The following IQGAP2 variants were observed in gnomAD, a reference collection of about 807,000 sequenced individuals.
IQGAP2 encodes the protein IQ motif containing GTPase activating protein 2.
In IQGAP2, 173 loss-of-function variants were observed where a neutral mutation model predicts 201.3. The observed-to-expected ratio is 0.86, with a 90% CI of 0.76 to 0.98. IQGAP2 has a LOEUF of 0.98. IQGAP2 is among the 50% of genes least tolerant of loss of function. The pLI is 0.00. For synonymous variants in IQGAP2, 675 were observed against 673.9 expected (o/e 1.00, Z -0.03); for missense variants, 1,687 against 1,864.8 (o/e 0.90, Z 1.76).
intron 1 of IQGAP2, among the ~76,000 whole-genome samples, chr5:76,433,395 A>G (rs1192192755): frequency 6.6e-6 from 1 of 152,208 alleles, no homozygotes; most frequent in Non-Finnish European, 1.5e-5. Flanking sequence ...TGAAAGCCAC[A>G]GCTCCCATAG....
At chr5:76,683,425 A>G (rs1745477373) in intron 29 of IQGAP2, among the ~76,000 whole-genome samples, 1 of 152,232 alleles carries the variant, frequency 6.6e-6, no homozygotes, top group Admixed American at 6.5e-5. Flanking sequence ...ATAATTCAGT[A>G]TTCTTGAAGG....
At chr5:76,542,216 C>A (rs1415961401) in intron 2 of IQGAP2, among the ~76,000 whole-genome samples, 2 of 152,236 alleles carry the variant, frequency 1.3e-5, no homozygotes, top group Non-Finnish European at 2.9e-5. Flanking sequence ...CTGCCTTGGC[C>A]TCCCAAAGTG....
intron 2 of IQGAP2, among the ~76,000 whole-genome samples, chr5:76,485,466 T>C (rs528026394): frequency 1.3e-5 from 2 of 152,310 alleles, no homozygotes; most frequent in Non-Finnish European, 2.9e-5. Flanking sequence ...AAACCTTTTT[T>C]CCCCCCTTGG....
intron 4 of IQGAP2, among the ~76,000 whole-genome samples, chr5:76,575,120 A>G (rs1745380796): frequency 6.6e-6 from 1 of 152,244 alleles, no homozygotes; most frequent in Non-Finnish European, 1.5e-5. Context: ...AATTGCTAAT[A>G]GTGACAATCT....
intron 33 of IQGAP2, among the ~76,000 whole-genome samples, chr5:76,700,740 C>G (rs769997184): frequency 6.6e-5 from 10 of 152,154 alleles, no homozygotes; most frequent in Non-Finnish European, 1.3e-4. Flanking sequence ...TAGGAATACA[C>G]AGTTCATGTT....
chr5:76,588,891 GT>G lies in IQGAP2; in HGVS notation c.459-8del, dbSNP rs761278890. On this transcript the variant is annotated splice_polypyrimidine_tract_variant and intron_variant, in intron 5 of 35. Coordinates refer to ENST00000274364, the MANE Select transcript of IQGAP2 (RefSeq NM_006633.5). ...ATGATAAAATTTCTGATAATTTTGT[GT>G]TTTTTTCTTTCAGTTTGTATCTGTT... 23 of 1,537,244 alleles carry G rather than the reference GT, an allele frequency of 1.5e-5. No individual in the cohort carries two copies. The highest frequency in any genetic ancestry group is 2.1e-5 in the Non-Finnish European group (23 of 1,121,716).
At chr5:76,682,539 TC>T (rs1745395078) in intron 28 of IQGAP2, among the ~76,000 whole-genome samples, 1 of 152,022 alleles carries the variant, frequency 6.6e-6, no homozygotes. Context: ...TAATACTGTT[TC>T]CTGTAAGACC....
intron 2 of IQGAP2, among the ~76,000 whole-genome samples, chr5:76,508,038 A>T (rs184128442): frequency 7.5e-4 from 108 of 143,394 alleles, no homozygotes; most frequent in African/African-American, 2.6e-3. Context: ...TGGGCCAAAG[A>T]TATGAACAGG....
intron 3 of IQGAP2, among the ~76,000 whole-genome samples, chr5:76,569,918 AG>A (rs1290695871): frequency 2.0e-5 from 3 of 152,220 alleles, no homozygotes; most frequent in Non-Finnish European, 4.4e-5. Context: ...AGGGCTATAA[AG>A]AAGAAATGGA....
rs988321422 is a variant in IQGAP2 at position 76,597,428 on chromosome 5, C to G, written c.908-11C>G. 5.0e-6 allele frequency: 8 copies of G among 1,613,288 alleles called. No homozygotes were observed. Among genetic ancestry groups the G allele is most frequent in the Non-Finnish European group, 6.8e-6 (8 of 1,179,668 alleles). On this transcript the variant is annotated splice_polypyrimidine_tract_variant and intron_variant, in intron 9 of 35. Coordinates refer to ENST00000274364, the MANE Select transcript of IQGAP2 (RefSeq NM_006633.5). ...CAACCATTCTGACAAAACATGAACC[C>G]CCATCCTCAGGGCAGGCTGCAGTGG... is the stretch of plus-strand genomic sequence containing the variant.
chr5:76,610,619 A>C (rs1281065999), intron 12 of IQGAP2, among the ~76,000 whole-genome samples: 1 of 151,756 alleles, frequency 6.6e-6, no homozygotes, highest in Non-Finnish European at 1.5e-5. Context: ...TAGAAGTTGC[A>C]TTGAATCTGT....
At chr5:76,570,373 T>C (rs899392566) in intron 3 of IQGAP2, among the ~76,000 whole-genome samples, 1 of 152,228 alleles carries the variant, frequency 6.6e-6, no homozygotes, top group Admixed American at 6.5e-5. Flanking sequence ...GTGTGAATTA[T>C]GGAAATTCAT....
Position 76,654,254 on chromosome 5 carries a change from C to T in IQGAP2, c.2233C>T (p.Gln745Ter), listed in dbSNP as rs749756129. ...AAGAAAGAGCTATCTTTCAAGACTA[C>T]AGTATTTCAGAGATCATGTAAGAAA... The part of the protein sequence containing the change: ...TARKSYLSRL[Q>*]YFRDHNNEIV... The change falls in exon 19 of 36, where the codon CAG becomes TAG. Residue 745 changes from glutamine to a stop codon, truncating the protein, a stop_gained. Coordinates refer to ENST00000274364, the MANE Select transcript of IQGAP2 (RefSeq NM_006633.5). LOFTEE classifies it high-confidence loss of function. The T allele has an allele frequency of 1.9e-6, 3 of 1,607,850 alleles. No individual in the cohort carries two copies. Among genetic ancestry groups the T allele is most frequent in the Non-Finnish European group, 2.6e-6 (3 of 1,175,988 alleles).
At chr5:76,563,237 A>G (rs926858509) in intron 3 of IQGAP2, among the ~76,000 whole-genome samples, 1 of 152,178 alleles carries the variant, frequency 6.6e-6, no homozygotes, top group African/African-American at 2.4e-5. Context: ...CTCTAAGATA[A>G]TAATAGCAAG....
intron 12 of IQGAP2, among the ~76,000 whole-genome samples, chr5:76,609,841 ATGTGTGTGTGTG>A (rs34776267): frequency 6.9e-6 from 1 of 145,326 alleles, no homozygotes; most frequent in African/African-American, 2.6e-5. Flanking sequence ...TTATATATAT[ATGTGTGTGTGTG>A]TGTGTGTGTG....
rs376517879 is a variant in IQGAP2, at chr5:76,562,544, C to T, written c.295C>T (p.Arg99Cys). The T allele has an allele frequency of 9.9e-5, 159 of 1,611,846 alleles. No individual in the cohort carries two copies. The highest frequency in any genetic ancestry group is 6.6e-4 in the Middle Eastern group (4 of 6,082). The part of the protein sequence containing the change: ...EKKIYDVEQT[R>C]YKKSGLHFRH... ...AAAGATCTATGATGTGGAACAAACA[C>T]GTTATAAGGTAACCAAGATCTAATT... The change falls in exon 3 of 36, where the codon CGT (arginine) becomes TGT (cysteine). Residue 99 changes from arginine (R) to cysteine (C), a missense_variant. Transcript: ENST00000274364.
intron 2 of IQGAP2, among the ~76,000 whole-genome samples, chr5:76,522,339 T>G (rs940693474): frequency 1.3e-5 from 2 of 152,112 alleles, no homozygotes; most frequent in African/African-American, 4.8e-5. Flanking sequence ...CCTGCCATCA[T>G]GCCCTGCTAA....
intron 2 of IQGAP2, among the ~76,000 whole-genome samples, chr5:76,466,299 C>T (rs1037020151): frequency 6.6e-6 from 1 of 152,164 alleles, no homozygotes; most frequent in Admixed American, 6.5e-5. Context: ...CACACCACTG[C>T]ACTCCAGGCT....
chr5:76,612,454 C>G (rs1748490125), intron 13 of IQGAP2, among the ~76,000 whole-genome samples: 1 of 152,078 alleles, frequency 6.6e-6, no homozygotes. Context: ...GAGATCGCAC[C>G]ATTGCACCCC....
Sources: allele counts gnomAD v4.1 joint callset (sites outside exome capture counted in the v4.1 genomes callset), GRCh38; gene constraint gnomAD v4.1.1; transcripts MANE v1.5; gene names NCBI Gene and HGNC (gene_info 2026-07-23, HGNC 2026-07-21).